Variants in GAPDHS observed in about 807,000 individuals in gnomAD.
The protein encoded by GAPDHS is glyceraldehyde-3-phosphate dehydrogenase, spermatogenic.
Under a neutral mutation model 48.7 loss-of-function variants are expected in GAPDHS, and 42 were observed. The observed-to-expected ratio is 0.86, with a 90% CI of 0.67 to 1.12. GAPDHS has a LOEUF of 1.12. Among genes scored for constraint, GAPDHS ranks in the 50% most tolerant of loss-of-function variants. The probability of loss-of-function intolerance (pLI) is 0.00; values close to 1 mark genes in which losing one functional copy is unlikely to be tolerated. For synonymous variants in GAPDHS, 166 were observed against 219.1 expected (o/e 0.76, Z 2.14); for missense variants, 512 against 557.7 (o/e 0.92, Z 0.82).
At chr19:35,535,036 C>A (rs1007967959) in intron 1 of GAPDHS, among the ~76,000 whole-genome samples, 1 of 152,220 alleles carries the variant, frequency 6.6e-6, no homozygotes, top group Admixed American at 6.5e-5. Context: ...GATCTCACTG[C>A]GCCCTCACAG....
intron 6 of GAPDHS, 79 bp from the exon 7 acceptor site, chr19:35,542,866 A>G (rs2071514388): frequency 1.9e-6 from 2 of 1,039,138 alleles, no homozygotes; most frequent in Admixed American, 1.7e-5. Context: ...GTCTGCGTGC[A>G]TACCCCAAGA....
At chr19:35,537,949 G>A (rs764600601) in intron 2 of GAPDHS, among the ~76,000 whole-genome samples, 5 of 152,120 alleles carry the variant, frequency 3.3e-5, no homozygotes, top group African/African-American at 1.2e-4. Flanking sequence ...GGTGGTACGC[G>A]CCTGTAGTCC....
At position 35,543,762 on chromosome 19, in the gene GAPDHS, A is replaced by G. The variant is rs1471968408; in HGVS notation, c.991A>G (p.Lys331Glu). ...CCAGCCTGCCCCCTACTCAGCCATC[A>G]AGGAGGCTGTAAAAGCAGCAGCCAA... The part of the protein sequence containing the change: ...LAQPAPYSAI[K>E]EAVKAAAKGP... Residue 331 changes from lysine (K) to glutamate (E), a missense_variant, in exon 9 of 11, where the codon AAG (lysine) becomes GAG (glutamate). Lys to Glu is a moderately conservative substitution (Grantham distance 56). Coordinates refer to ENST00000222286, the MANE Select transcript of GAPDHS (RefSeq NM_014364.5). The G allele has an allele frequency of 1.9e-6, 3 of 1,613,896 alleles. No homozygotes were observed. The highest frequency in any genetic ancestry group is 1.7e-5 in the Admixed American group (1 of 60,016).
intron 6 of GAPDHS, 124 bp from the exon 7 acceptor site, chr19:35,542,821 C>T: frequency 1.3e-6 from 1 of 787,894 alleles, no homozygotes; most frequent in Non-Finnish European, 2.2e-6. Flanking sequence ...CCCACAGATC[C>T]CTCTCACCCT....
intron 6 of GAPDHS, 98 bp downstream of exon 6, chr19:35,542,706 C>T (rs2071513242): frequency 1.1e-6 from 1 of 897,296 alleles, no homozygotes; most frequent in South Asian, 1.4e-5. Context: ...TTGGCTTCTG[C>T]TTCTCCTTCC....
chr19:35,536,970 G>A lies in GAPDHS; in HGVS notation c.225G>A (p.Glu75=), dbSNP rs2071470063. 1.2e-6 allele frequency: 2 copies of A among 1,613,696 alleles called. No individual in the cohort carries two copies. Among genetic ancestry groups the A allele is most frequent in the South Asian group, 2.2e-5 (2 of 91,024 alleles). The stretch of plus-strand genomic sequence containing the variant: ...CTAAGATGGTGTCTGTGGCCCGGGA[G>A]CTGACTGTGGGCATCAATGGGTGAG... The part of the protein sequence containing the change: ...PPPKMVSVAR[E]LTVGINGFGR... Residue 75 remains glutamate, a synonymous_variant, in exon 2 of 11, where the codon GAG becomes GAA. Transcript: ENST00000222286.
At chr19:35,537,547 A>C (rs60638150) in intron 2 of GAPDHS, among the ~76,000 whole-genome samples, 36,207 of 151,282 alleles carry the variant, frequency 0.24, 4,435 homozygotes, top group Non-Finnish European at 0.26. Context: ...TTACTGATGG[A>C]CAGTCGTGGA....
At chr19:35,538,439 G>A in intron 3 of GAPDHS, 36 bp downstream of exon 3, 1 of 1,305,842 alleles carries the variant, frequency 7.7e-7, no homozygotes, top group Non-Finnish European at 1.1e-6. Context: ...CAGCAGGGTG[G>A]GACTGGGGTG....
intron 1 of GAPDHS, among the ~76,000 whole-genome samples, chr19:35,535,872 AGATTCTCTT>A (rs1189323106): frequency 6.6e-6 from 1 of 150,500 alleles, no homozygotes; most frequent in Non-Finnish European, 1.5e-5. Flanking sequence ...CAGGTTCAAG[AGATTCTCTT>A]GCCTCAGCCC....
chr19:35,543,867 G>T, intron 9 of GAPDHS, 40 bp downstream of exon 9: 1 of 1,537,664 alleles, frequency 6.5e-7, no homozygotes, highest in East Asian at 2.3e-5. Context: ...GGAGCCCTCT[G>T]GGAAGGGACA....
chr19:35,539,866 G>A (rs1020167839), intron 4 of GAPDHS, among the ~76,000 whole-genome samples: 1 of 152,134 alleles, frequency 6.6e-6, no homozygotes. Flanking sequence ...CACCATTACC[G>A]CCACTTGGAG....
intron 4 of GAPDHS, among the ~76,000 whole-genome samples, chr19:35,539,904 C>A (rs567111379): frequency 2.0e-3 from 305 of 152,336 alleles, no homozygotes; most frequent in Non-Finnish European, 3.2e-3. Flanking sequence ...CTAGCTGCCC[C>A]CTCCGTCCAC....
Position 35,538,563 on chromosome 19 carries a change from T to C in GAPDHS, c.343-14T>C. ...CTGCCACCCCAAGACTAGGAGCCAT[T>C]CCATCCCCCACAGGTGTACATGTTT... On this transcript the variant is annotated splice_polypyrimidine_tract_variant and intron_variant, in intron 3 of 10. Coordinates refer to ENST00000222286, the MANE Select transcript of GAPDHS (RefSeq NM_014364.5). 1.3e-6 allele frequency: 2 copies of C among 1,532,164 alleles called. No homozygotes were observed. The highest frequency in any genetic ancestry group is 1.8e-6 in the Non-Finnish European group (2 of 1,105,504). The allele number at this position is 1,532,164 out of a possible 1,614,324, so 94.9% of individuals were successfully genotyped here.
chr19:35,538,902 G>A (rs1021756665), intron 4 of GAPDHS, among the ~76,000 whole-genome samples: 3 of 152,154 alleles, frequency 2.0e-5, no homozygotes, highest in Non-Finnish European at 2.9e-5. Context: ...TCACTGTACT[G>A]AAGAATGCTT....
intron 7 of GAPDHS, 107 bp from the exon 8 acceptor site, chr19:35,543,233 G>A (rs2071518022): frequency 2.3e-6 from 3 of 1,323,698 alleles, no homozygotes; most frequent in Non-Finnish European, 1.1e-6. Context: ...GTCTGTGGTG[G>A]TGGCCCCACC....
chr19:35,544,622 C>G, intron 9 of GAPDHS: 1 of 445,920 alleles, frequency 2.2e-6, no homozygotes, highest in Non-Finnish European at 4.1e-6. Flanking sequence ...CAGAGAGGCC[C>G]TCCATGCTGG....
intron 7 of GAPDHS, 147 bp from the exon 8 acceptor site, chr19:35,543,193 G>T: frequency 9.3e-7 from 1 of 1,079,580 alleles, no homozygotes; most frequent in South Asian, 1.3e-5. Context: ...GGCAAGGCTG[G>T]ACCCTGGCCT....
At chr19:35,534,294 G>GT (rs2071451287) in intron 1 of GAPDHS, among the ~76,000 whole-genome samples, 1 of 147,192 alleles carries the variant, frequency 6.8e-6, no homozygotes, top group Non-Finnish European at 1.5e-5. Flanking sequence ...CTTCCCAAGG[G>GT]CGGGGGCCGC....
Position 35,542,877 on chromosome 19 carries a change from G to A in GAPDHS, c.660-68G>A, listed in dbSNP as rs547041476. The A allele has an allele frequency of 6.8e-5, 80 of 1,176,966 alleles. No individual in the cohort carries two copies. In the South Asian group the frequency reaches 9.6e-4, roughly 14 times the overall value. The allele number at this position is 1,176,966 out of a possible 1,614,324, so 72.9% of individuals were successfully genotyped here. ...CCAAGTCTGCGTGCATACCCCAAGAGGGGTAAGGGTGGAGGGGTGGCTCTG... is the reference window on the plus strand; with the variant it reads ...CCAAGTCTGCGTGCATACCCCAAGAAGGGTAAGGGTGGAGGGGTGGCTCTG... On this transcript the variant is annotated intron_variant, in intron 6 of 10. Coordinates refer to ENST00000222286, the MANE Select transcript of GAPDHS (RefSeq NM_014364.5).
Sources: gnomAD v4.1 joint callset for allele counts (sites outside exome capture counted in the v4.1 genomes callset) on GRCh38, gnomAD v4.1.1 for gene constraint, MANE v1.5 for transcripts, NCBI Gene and HGNC (gene_info 2026-07-23, HGNC 2026-07-21) for gene names.